SMYD3: variants seen among roughly 807,000 people sequenced by gnomAD.
SMYD3 encodes the protein histone-lysine N-methyltransferase SMYD3.
Under a neutral mutation model 57.7 loss-of-function variants are expected in SMYD3, and 36 were observed. That is an observed-to-expected ratio of 0.62 (90% CI 0.48 to 0.82). The LOEUF (loss-of-function observed/expected upper bound fraction) is 0.82. Among genes scored for constraint, SMYD3 ranks in the 40% least tolerant of loss-of-function variants. SMYD3 has a pLI of 0.00. For synonymous variants in SMYD3, 211 were observed against 195.0 expected, an observed-to-expected ratio of 1.08 and a Z score of -0.68; for missense variants, 515 against 538.8, an observed-to-expected ratio of 0.96 and a Z score of 0.44.
chr1:245,931,928 C>T (rs116593572), intron 5 of SMYD3, among the ~76,000 whole-genome samples: 1,856 of 152,230 alleles, frequency 0.012, 23 homozygotes, highest in Non-Finnish European at 0.019. Context: ...TATTTGTAAA[C>T]AAATGCTAAA....
chr1:245,992,359 G>A (rs531410804), intron 5 of SMYD3, among the ~76,000 whole-genome samples: 1 of 152,232 alleles, frequency 6.6e-6, no homozygotes, highest in Non-Finnish European at 1.5e-5. Flanking sequence ...AGTGTGGGAG[G>A]GGAGTGCCCA....
intron 5 of SMYD3, among the ~76,000 whole-genome samples, chr1:246,048,379 G>A (rs2060006366): frequency 1.3e-5 from 2 of 152,130 alleles, no homozygotes; most frequent in Admixed American, 1.3e-4. Flanking sequence ...CTACTTTGAA[G>A]AGCCTTTTCA....
At chr1:245,798,413 CACAT>C (rs1287597287) in intron 10 of SMYD3, among the ~76,000 whole-genome samples, 1 of 143,910 alleles carries the variant, frequency 6.9e-6, no homozygotes, top group African/African-American at 2.6e-5. Flanking sequence ...CACATACACA[CACAT>C]ACACACCCCC....
chr1:246,485,376 TTTTCCAA>T (rs2068170599), intron 1 of SMYD3, among the ~76,000 whole-genome samples: 1 of 152,244 alleles, frequency 6.6e-6, no homozygotes, highest in Non-Finnish European at 1.5e-5. Context: ...GTCTGTACAT[TTTTCCAA>T]TTTCCAAGAT....
intron 5 of SMYD3, among the ~76,000 whole-genome samples, chr1:246,272,052 T>C (rs1283278811): frequency 6.6e-6 from 1 of 152,230 alleles, no homozygotes; most frequent in East Asian, 1.9e-4. Context: ...TTGGATGGAA[T>C]TGTTTTTGTA....
At chr1:246,404,583 G>C (rs943170608) in intron 1 of SMYD3, among the ~76,000 whole-genome samples, 2 of 152,156 alleles carry the variant, frequency 1.3e-5, no homozygotes, top group African/African-American at 4.8e-5. Flanking sequence ...GCAAGTTAAA[G>C]AGACAGAACT....
At chr1:245,943,413 A>G (rs2147906908) in intron 5 of SMYD3, among the ~76,000 whole-genome samples, 1 of 152,288 alleles carries the variant, frequency 6.6e-6, no homozygotes, top group African/African-American at 2.4e-5. Flanking sequence ...TCCTGGACAC[A>G]TACATCCTCC....
intron 5 of SMYD3, among the ~76,000 whole-genome samples, chr1:246,194,057 C>T (rs1227365342): frequency 6.6e-6 from 1 of 152,082 alleles, no homozygotes; most frequent in Non-Finnish European, 1.5e-5. Flanking sequence ...TTATGTACTT[C>T]TCTATAACTG....
intron 5 of SMYD3, among the ~76,000 whole-genome samples, chr1:246,276,755 C>T (rs1481794922): frequency 1.5e-5 from 2 of 133,164 alleles, no homozygotes; most frequent in African/African-American, 2.6e-5. Context: ...TGTTTGAATA[C>T]TAACTCTGTT....
chr1:246,465,291 C>T (rs577648956), intron 1 of SMYD3, among the ~76,000 whole-genome samples: 3 of 152,246 alleles, frequency 2.0e-5, no homozygotes, highest in East Asian at 3.9e-4. Context: ...CAAAATAATT[C>T]GGATTCTCTT....
At chr1:245,793,917 G>C (rs2047411574) in intron 10 of SMYD3, among the ~76,000 whole-genome samples, 1 of 152,024 alleles carries the variant, frequency 6.6e-6, no homozygotes, top group South Asian at 2.1e-4. Context: ...ATGTGGTCTT[G>C]ATATATCTCT....
intron 1 of SMYD3, among the ~76,000 whole-genome samples, chr1:246,356,349 C>T (rs1203456024): frequency 6.6e-6 from 1 of 152,104 alleles, no homozygotes; most frequent in African/African-American, 2.4e-5. Context: ...TGAGAAGGAA[C>T]CAGAAAAACA....
intron 5 of SMYD3, among the ~76,000 whole-genome samples, chr1:246,086,524 A>G (rs1001820427): frequency 6.8e-6 from 1 of 147,254 alleles, no homozygotes; most frequent in African/African-American, 2.5e-5. Context: ...TCTACACTTC[A>G]CTTATTAGAT....
chr1:245,907,503 A>T (rs1407118512), intron 8 of SMYD3, among the ~76,000 whole-genome samples: 1 of 152,222 alleles, frequency 6.6e-6, no homozygotes, highest in Non-Finnish European at 1.5e-5. Context: ...AAAGGACAAT[A>T]TTTGCCATCA....
chr1:245,848,648 G>A (rs1226066371), intron 10 of SMYD3, among the ~76,000 whole-genome samples: 1 of 152,130 alleles, frequency 6.6e-6, no homozygotes, highest in African/African-American at 2.4e-5. Context: ...CTGGGCTCAA[G>A]TTATCTTCCC....
chr1:246,375,070 G>GC (rs1241563736), intron 1 of SMYD3, among the ~76,000 whole-genome samples: 4 of 152,070 alleles, frequency 2.6e-5, no homozygotes, highest in African/African-American at 7.2e-5. Context: ...TCCAGCCTGG[G>GC]CAACAGAGTA....
At chr1:246,035,177 T>C (rs2059750159) in intron 5 of SMYD3, 1 of 152,216 alleles carries the variant, frequency 6.6e-6, no homozygotes, top group Admixed American at 6.5e-5. Context: ...TCCAACTCTT[T>C]TTCATGCCAA....
intron 1 of SMYD3, among the ~76,000 whole-genome samples, chr1:246,475,914 C>G (rs2068025169): frequency 6.6e-6 from 1 of 152,098 alleles, no homozygotes; most frequent in Non-Finnish European, 1.5e-5. Flanking sequence ...CACGTCCAGC[C>G]AAGTTTTTAC....
In SMYD3 at chr1:246,494,690, A is replaced by C. The variant is rs371350836; in HGVS notation, c.164+12364T>G. 4.6e-5 allele frequency among the ~76,000 whole-genome samples: 7 copies of C among 152,244 alleles called. 1 individual carries two copies. The highest frequency in any genetic ancestry group is 3.9e-4 in the Admixed American group (6 of 15,290). ...TCTTTCCAATTAACATCTACTTTCT[A>C]ACAAGACGTAAACACAGCAGCTAAA... is the stretch of plus-strand genomic sequence containing the variant. On this transcript the variant is annotated intron_variant, in intron 1 of 11. Transcript: ENST00000490107.
Sources: allele counts gnomAD v4.1 joint callset (sites outside exome capture counted in the v4.1 genomes callset), GRCh38; gene constraint gnomAD v4.1.1; transcripts MANE v1.5; gene names NCBI Gene and HGNC (gene_info 2026-07-23, HGNC 2026-07-21).